Variants in SPECC1 observed in about 807,000 individuals in gnomAD.
SPECC1 encodes cytospin-B.
In SPECC1, 62 loss-of-function variants were observed where a neutral mutation model predicts 104.1. The observed-to-expected ratio is 0.60, with a 90% CI of 0.49 to 0.74. The LOEUF is 0.74. Among genes scored for constraint, SPECC1 ranks in the 30% least tolerant of loss-of-function variants. SPECC1 has a pLI of 0.00. For synonymous variants in SPECC1, 513 were observed against 501.6 expected, an observed-to-expected ratio of 1.02 and a Z score of -0.30; for missense variants, 1,306 against 1,310.5, an observed-to-expected ratio of 1.00 and a Z score of 0.05.
chr17:20,126,211 C>T (rs1224007347), intron 3 of SPECC1, among the ~76,000 whole-genome samples: 2 of 152,158 alleles, frequency 1.3e-5, no homozygotes, highest in Admixed American at 6.5e-5. Context: ...TCCCTGCTCT[C>T]CTCTCCTCCT....
intron 13 of SPECC1, among the ~76,000 whole-genome samples, chr17:20,299,565 A>G (rs973433910): frequency 6.7e-6 from 1 of 149,338 alleles, no homozygotes; most frequent in African/African-American, 2.5e-5. Context: ...CAAAAAAAAA[A>G]AAAAAAAAAA....
chr17:20,118,498 G>A (rs1295001854), intron 3 of SPECC1, among the ~76,000 whole-genome samples: 1 of 152,214 alleles, frequency 6.6e-6, no homozygotes, highest in Admixed American at 6.5e-5. Context: ...GAATACAGTA[G>A]ATTTGTGTGT....
chr17:20,280,845 T>A (rs781405347), intron 12 of SPECC1, among the ~76,000 whole-genome samples: 1 of 152,216 alleles, frequency 6.6e-6, no homozygotes, highest in Non-Finnish European at 1.5e-5. Flanking sequence ...TTAAAAAACC[T>A]TCTGCAGAAG....
At chr17:20,271,827 T>TA (rs2151635761) in intron 12 of SPECC1, among the ~76,000 whole-genome samples, 1 of 152,196 alleles carries the variant, frequency 6.6e-6, no homozygotes, top group South Asian at 2.1e-4. Context: ...TCATAGATGG[T>TA]AAAATTTTAT....
intron 13 of SPECC1, among the ~76,000 whole-genome samples, chr17:20,298,919 A>AAAAG (rs1555535534): frequency 6.0e-5 from 4 of 66,838 alleles, no homozygotes; most frequent in African/African-American, 1.7e-4. Flanking sequence ...AAGCAGAACC[A>AAAAG]AAAGAGAGAG....
chr17:20,298,818 CA>C (rs1400111727), intron 13 of SPECC1, among the ~76,000 whole-genome samples: 1 of 151,318 alleles, frequency 6.6e-6, no homozygotes, highest in Non-Finnish European at 1.5e-5. Context: ...TATCCCACAT[CA>C]GGATTTAAAT....
At chr17:20,144,175 C>CTTTTTTTTTTTTTTT (rs1168474738) in intron 3 of SPECC1, among the ~76,000 whole-genome samples, 7 of 94,376 alleles carry the variant, frequency 7.4e-5, no homozygotes, top group African/African-American at 1.4e-4. Flanking sequence ...TTTTTCTTTT[C>CTTTTTTTTTTTTTTT]TTTTTTTTTT....
intron 3 of SPECC1, among the ~76,000 whole-genome samples, chr17:20,148,537 G>T (rs2031677536): frequency 9.7e-6 from 1 of 103,430 alleles, no homozygotes; most frequent in African/African-American, 3.9e-5. Context: ...CAGTACATGT[G>T]CACTAGAAAA....
chr17:20,070,211 A>G (rs1167277284), intron 1 of SPECC1, among the ~76,000 whole-genome samples: 2 of 152,218 alleles, frequency 1.3e-5, no homozygotes, highest in Non-Finnish European at 2.9e-5. Context: ...GGAGAAAGCT[A>G]TCAGATTTTC....
At chr17:20,077,607 T>C (rs1227169180) in intron 1 of SPECC1, among the ~76,000 whole-genome samples, 3 of 151,990 alleles carry the variant, frequency 2.0e-5, no homozygotes, top group African/African-American at 4.8e-5. Context: ...GTTGGGATTA[T>C]AGGCACCCGC....
chr17:20,019,446 A>G (rs1463160128), intron 1 of SPECC1, among the ~76,000 whole-genome samples: 1 of 152,072 alleles, frequency 6.6e-6, no homozygotes, highest in Non-Finnish European at 1.5e-5. Flanking sequence ...TGAGTGGAGA[A>G]CATTTCCTGA....
chr17:20,058,810 A>C (rs904614899), intron 1 of SPECC1, among the ~76,000 whole-genome samples: 1 of 144,772 alleles, frequency 6.9e-6, no homozygotes, highest in African/African-American at 2.5e-5. Context: ...ATTCAGCCAC[A>C]TTACATTTAT....
chr17:20,089,631 A>C (rs2047321427), intron 1 of SPECC1, among the ~76,000 whole-genome samples: 1 of 152,206 alleles, frequency 6.6e-6, no homozygotes, highest in Non-Finnish European at 1.5e-5. Context: ...ATCTCTAAAA[A>C]AATAAATGAG....
chr17:20,097,339 C>T (rs867168800), intron 2 of SPECC1, among the ~76,000 whole-genome samples: 10 of 152,208 alleles, frequency 6.6e-5, no homozygotes, highest in Admixed American at 3.9e-4. Flanking sequence ...AGGCTCTCAC[C>T]GTGCAAAGCC....
At chr17:20,062,994 C>T (rs548899597) in intron 1 of SPECC1, among the ~76,000 whole-genome samples, 2 of 152,094 alleles carry the variant, frequency 1.3e-5, no homozygotes, top group African/African-American at 2.4e-5. Context: ...AGCCAAGAAA[C>T]GCATTCTTAT....
intron 3 of SPECC1, among the ~76,000 whole-genome samples, chr17:20,148,739 G>T (rs1444937169): frequency 6.6e-6 from 1 of 150,410 alleles, no homozygotes; most frequent in Non-Finnish European, 1.5e-5. Flanking sequence ...TTTTTTTTGA[G>T]ACAGAGTTTT....
At chr17:20,260,381 A>C in intron 12 of SPECC1, 87 bp downstream of exon 12, 1 of 1,032,114 alleles carries the variant, frequency 9.7e-7, no homozygotes, top group Non-Finnish European at 1.4e-6. Context: ...CCTGTGCTTG[A>C]TGGGCCAATA....
intron 4 of SPECC1, among the ~76,000 whole-genome samples, chr17:20,211,463 A>G (rs988180975): frequency 1.6e-4 from 25 of 152,248 alleles, no homozygotes; most frequent in Non-Finnish European, 3.2e-4. Flanking sequence ...CCTCTGCTCA[A>G]GGGGCTGTGG....
chr17:20,180,619 G>A (rs999013030), intron 3 of SPECC1, among the ~76,000 whole-genome samples: 1 of 152,242 alleles, frequency 6.6e-6, no homozygotes. Flanking sequence ...TATATGGTGA[G>A]AGACCAGGGA....
Sources: allele counts gnomAD v4.1 joint callset (sites outside exome capture counted in the v4.1 genomes callset), GRCh38; gene constraint gnomAD v4.1.1; transcripts MANE v1.5; gene names NCBI Gene and HGNC (gene_info 2026-07-23, HGNC 2026-07-21).